The following UBXN2A variants were observed in gnomAD, a reference collection of about 807,000 sequenced individuals.
UBXN2A encodes the protein UBX domain protein 2A, also known as UBX domain-containing protein 2A.
In UBXN2A, 28 loss-of-function variants were observed where a neutral mutation model predicts 28.4. The ratio of observed to expected loss-of-function variants is 0.99; its 90% CI spans 0.73 to 1.35. The LOEUF (loss-of-function observed/expected upper bound fraction) is 1.35, where lower values mean the gene tolerates loss of function less well. Among genes scored for constraint, UBXN2A ranks in the 40% most tolerant of loss-of-function variants. UBXN2A has a pLI of 0.00. For missense variants in UBXN2A, 253 were observed against 297.9 expected (o/e 0.85, Z 1.11); for synonymous variants, 97 against 103.6 (o/e 0.94, Z 0.39).
At chr2:23,944,890 A>G (rs1413923067) in intron 1 of UBXN2A, among the ~76,000 whole-genome samples, 1 of 152,152 alleles carries the variant, frequency 6.6e-6, no homozygotes, top group Non-Finnish European at 1.5e-5. Context: ...GCTAAAGAGG[A>G]CTAGTTAGTT....
intron 3 of UBXN2A, among the ~76,000 whole-genome samples, chr2:23,972,207 T>C (rs1029625488): frequency 6.6e-6 from 1 of 152,192 alleles, no homozygotes; most frequent in Non-Finnish European, 1.5e-5. Context: ...ATCAAGGCAG[T>C]GGCAACAAAC....
intron 3 of UBXN2A, among the ~76,000 whole-genome samples, chr2:23,973,047 A>G (rs569324409): frequency 1.3e-5 from 2 of 151,936 alleles, no homozygotes; most frequent in Non-Finnish European, 2.9e-5. Flanking sequence ...GGATATTCCA[A>G]CTCACTCTGT....
chr2:23,930,508 A>G (rs1258006931), intron 1 of UBXN2A, among the ~76,000 whole-genome samples: 1 of 152,186 alleles, frequency 6.6e-6, no homozygotes, highest in Non-Finnish European at 1.5e-5. Flanking sequence ...TCTGAGAGGT[A>G]GTGACCCCTG....
At chr2:23,993,274 C>A (rs1708417240) in intron 6 of UBXN2A, among the ~76,000 whole-genome samples, 2 of 152,140 alleles carry the variant, frequency 1.3e-5, no homozygotes, top group South Asian at 4.1e-4. Flanking sequence ...AAATTTTAAT[C>A]TTGACTTGTT....
chr2:23,934,562 A>G (rs766225766), intron 1 of UBXN2A, among the ~76,000 whole-genome samples: 1 of 152,228 alleles, frequency 6.6e-6, no homozygotes, highest in Non-Finnish European at 1.5e-5. Flanking sequence ...AGTGCCACCC[A>G]TCGTCCTTCT....
intron 2 of UBXN2A, among the ~76,000 whole-genome samples, chr2:23,966,971 C>G (rs1288080865): frequency 6.6e-6 from 1 of 151,734 alleles, no homozygotes; most frequent in African/African-American, 2.4e-5. Flanking sequence ...GTTGCCCAGG[C>G]TGGTCTCCAA....
chr2:23,967,013 C>T (rs1198749534), intron 2 of UBXN2A, among the ~76,000 whole-genome samples: 2 of 147,640 alleles, frequency 1.4e-5, no homozygotes, highest in African/African-American at 4.9e-5. Context: ...CTACCTTGGC[C>T]TCCCAAAATG....
chr2:23,939,267 G>A (rs1467012331), upstream of UBXN2A, among the ~76,000 whole-genome samples: 1 of 152,144 alleles, frequency 6.6e-6, no homozygotes, highest in Non-Finnish European at 1.5e-5. Context: ...CTGGATATAC[G>A]TAAGGAGAGA....
In UBXN2A at chr2:23,973,059, A is replaced by G. The variant is rs369481732; in HGVS notation, c.180+1645A>G. 7.2e-5 allele frequency among the ~76,000 whole-genome samples: 11 copies of G among 152,210 alleles called. No homozygotes were observed. In the East Asian group the frequency reaches 1.7e-3, roughly 24 times the overall value. ...TATGGATATTCCAACTCACTCTGTCACCCAGGCTGGAGTGCAATGGCACGA... is the reference window on the plus strand; with the variant it reads ...TATGGATATTCCAACTCACTCTGTCGCCCAGGCTGGAGTGCAATGGCACGA... On this transcript the variant is annotated intron_variant, in intron 3 of 6. Coordinates refer to ENST00000309033, the MANE Select transcript of UBXN2A (RefSeq NM_181713.4).
intron 1 of UBXN2A, among the ~76,000 whole-genome samples, chr2:23,933,296 C>G (rs1317785795): frequency 6.6e-6 from 1 of 152,072 alleles, no homozygotes; most frequent in Non-Finnish European, 1.5e-5. Flanking sequence ...CACCTGAGGT[C>G]AGGAGTTCGA....
intron 3 of UBXN2A, among the ~76,000 whole-genome samples, chr2:23,976,031 G>T (rs1573582679): frequency 6.6e-6 from 1 of 152,258 alleles, no homozygotes; most frequent in East Asian, 1.9e-4. Flanking sequence ...TGATTTTTCA[G>T]ATTTTTGAAT....
intron 1 of UBXN2A, among the ~76,000 whole-genome samples, chr2:23,951,746 T>C (rs4665249): frequency 0.73 from 111,255 of 151,770 alleles, 41,166 homozygotes; most frequent in East Asian, 0.85. Flanking sequence ...CAGGCATGAG[T>C]CACTGTACCA....
upstream of UBXN2A, among the ~76,000 whole-genome samples, chr2:23,936,439 G>C (rs1404972116): frequency 6.6e-6 from 1 of 152,038 alleles, no homozygotes; most frequent in African/African-American, 2.4e-5. Context: ...GCTGTGCGTG[G>C]TGGCTCAGAC....
In UBXN2A at chr2:23,955,926, G is replaced by A. The variant is rs11888093; in HGVS notation, c.-14-2375G>A. ...TCATCTCAGGCTGGAGTGCTGCGAC[G>A]CAGTCTCGGCTTACTTCAACCTCTG... On this transcript the variant is annotated intron_variant, in intron 1 of 6. Transcript: ENST00000309033. 3.4e-3 allele frequency among the ~76,000 whole-genome samples: 513 copies of A among 152,308 alleles called. 3 individuals are homozygous for A. Among genetic ancestry groups the A allele is most frequent in the African/African-American group, 0.012 (493 of 41,566 alleles).
In UBXN2A at chr2:23,984,685, A is replaced by T. The variant is rs1708051037; in HGVS notation, c.438A>T (p.Lys146Asn). The T allele has an allele frequency of 5.9e-6, 9 of 1,531,704 alleles. No homozygotes were observed. The highest frequency in any genetic ancestry group is 7.8e-6 in the Non-Finnish European group (9 of 1,149,568). 94.9% of individuals were successfully genotyped at this position (1,531,704 alleles called of 1,614,324 possible). The change falls in exon 6 of 7, where the codon AAA becomes AAT. Residue 146 changes from lysine to asparagine, a missense_variant. Lys to Asn is a moderately conservative substitution (Grantham distance 94). Coordinates refer to ENST00000309033, the MANE Select transcript of UBXN2A (RefSeq NM_181713.4). The part of the protein sequence containing the change: ...QGHRLGSATP[K>N]IVSKAKNIEV... ...TGGATTTCCTTAGTGCCACACCAAA[A>T]ATTGTTTCTAAAGCAAAGAATATTG...
chr2:23,999,421 A>G (rs567875848), intron 6 of UBXN2A, among the ~76,000 whole-genome samples: 1 of 152,314 alleles, frequency 6.6e-6, no homozygotes, highest in Admixed American at 6.5e-5. Context: ...GTTATTCTAT[A>G]TATTAACATA....
At chr2:23,970,843 T>C (rs1175621256) in intron 2 of UBXN2A, among the ~76,000 whole-genome samples, 1 of 152,046 alleles carries the variant, frequency 6.6e-6, no homozygotes, top group Non-Finnish European at 1.5e-5. Context: ...CACAGGTTCA[T>C]GCTCCTATGG....
intron 6 of UBXN2A, among the ~76,000 whole-genome samples, chr2:23,987,255 A>T (rs1225312852): frequency 6.6e-6 from 1 of 152,158 alleles, no homozygotes; most frequent in Non-Finnish European, 1.5e-5. Flanking sequence ...AATAAAATAC[A>T]TATGTACCAC....
chr2:23,981,303 CA>C (rs34236089), intron 4 of UBXN2A, among the ~76,000 whole-genome samples: 15,338 of 69,400 alleles, frequency 0.22, 1,032 homozygotes, highest in South Asian at 0.28. Context: ...CCTGTCTCTA[CA>C]AAAAAAAAAA....
Sources: gnomAD v4.1 joint callset for allele counts (sites outside exome capture counted in the v4.1 genomes callset) on GRCh38, gnomAD v4.1.1 for gene constraint, MANE v1.5 for transcripts, NCBI Gene and HGNC (gene_info 2026-07-23, HGNC 2026-07-21) for gene names.